The following MYLIP variants were observed in gnomAD, a reference collection of about 807,000 sequenced individuals.
MYLIP encodes E3 ubiquitin-protein ligase MYLIP.
MYLIP carries 26 observed loss-of-function variants against 45.8 expected under a neutral mutation model. That is an observed-to-expected ratio of 0.57 (90% CI 0.42 to 0.79). The LOEUF is 0.79. MYLIP is among the 30% of genes least tolerant of loss of function. MYLIP has a pLI of 0.00. For missense variants in MYLIP, 494 were observed against 555.6 expected, an observed-to-expected ratio of 0.89 and a Z score of 1.11; for synonymous variants, 213 against 218.1, an observed-to-expected ratio of 0.98 and a Z score of 0.21.
chr6:16,162,785 TAAAAAAAA>T, the MYLIP span, among the ~76,000 whole-genome samples: 4 of 69,618 alleles, frequency 5.7e-5, no homozygotes, highest in African/African-American at 9.7e-5. Flanking sequence ...ACCTCAACTC[TAAAAAAAA>T]AAAAAAAAAA....
At chr6:16,136,396 T>C (rs189142285) in intron 2 of MYLIP, among the ~76,000 whole-genome samples, 1 of 152,338 alleles carries the variant, frequency 6.6e-6, no homozygotes, top group East Asian at 1.9e-4. Flanking sequence ...TCCATCCATA[T>C]TGTCCTATAT....
chr6:16,143,009 G>C lies in MYLIP; in HGVS notation c.465-11G>C. On this transcript the variant is annotated splice_polypyrimidine_tract_variant and intron_variant, in intron 3 of 6. Transcript: ENST00000356840. ...GTATACTTAATTCTCTGTCCTCTTG[G>C]TGTCCTCCAGCATTGTTGCAAAACA... 1 of 1,611,920 alleles carries C rather than the reference G, an allele frequency of 6.2e-7. No homozygotes were observed. Among genetic ancestry groups the C allele is most frequent in the Non-Finnish European group, 8.5e-7 (1 of 1,178,776 alleles).
chr6:16,160,470 T>C, the MYLIP span, among the ~76,000 whole-genome samples: 2 of 152,192 alleles, frequency 1.3e-5, no homozygotes, highest in African/African-American at 4.8e-5. Flanking sequence ...CGTATTGGTT[T>C]GGAAATGGCA....
At chr6:16,148,529 A>T (rs919880007), downstream of MYLIP, among the ~76,000 whole-genome samples, 5 of 147,764 alleles carry the variant, frequency 3.4e-5, no homozygotes, top group African/African-American at 1.3e-4. Flanking sequence ...TCTCTTATTT[A>T]TGTCTTTGGG....
chr6:16,134,258 A>G (rs1325255145), intron 2 of MYLIP, among the ~76,000 whole-genome samples: 6 of 152,258 alleles, frequency 3.9e-5, no homozygotes, highest in Non-Finnish European at 4.4e-5. Context: ...CATAGAATTA[A>G]GAACTTGGAA....
At chr6:16,131,040 A>AAAAAAAAAAAAC (rs1759448977) in intron 2 of MYLIP, among the ~76,000 whole-genome samples, 1 of 151,402 alleles carries the variant, frequency 6.6e-6, no homozygotes, top group Non-Finnish European at 1.5e-5. Flanking sequence ...AAAAAAAAAA[A>AAAAAAAAAAAAC]AAAAAAAAGA....
At position 16,147,502 on chromosome 6, in the gene MYLIP, C is replaced by G. The variant is rs1249318245; in HGVS notation, c.*751C>G. 6.6e-6 allele frequency: 1 copy of G among 152,258 alleles called. No individual in the cohort carries two copies. The highest frequency in any genetic ancestry group is 1.5e-5 in the Non-Finnish European group (1 of 68,030). 9.4% of individuals were successfully genotyped at this position (152,258 alleles called of 1,614,324 possible). On this transcript the variant is annotated 3_prime_UTR_variant, in exon 7 of 7. Transcript: ENST00000356840. ...TGGAGTAGTCAAGTACTCCCCGGGC[C>G]TTCTGAGCTGGTGGAATATTTTATT...
In MYLIP at chr6:16,144,310, C is replaced by T. The variant is rs553855859; in HGVS notation, c.827+447C>T. On this transcript the variant is annotated intron_variant, in intron 5 of 6. Transcript: ENST00000356840. ...ACCCTGAGGGACTGGGCCTGCTCCA[C>T]TGCTCAGGAGAAGGATAGCACAGAT... 9.8e-5 allele frequency among the ~76,000 whole-genome samples: 15 copies of T among 152,328 alleles called. No individual in the cohort carries two copies. The South Asian group carries it at 1.2e-3, about 13-fold the overall frequency.
At chr6:16,146,482 A>G (rs945106586) in intron 6 of MYLIP, among the ~76,000 whole-genome samples, 180 bp from the exon 7 acceptor site, 2 of 152,164 alleles carry the variant, frequency 1.3e-5, no homozygotes, top group African/African-American at 4.8e-5. Context: ...AAGCCCTTGT[A>G]AAGTATAAAC....
intron 6 of MYLIP, 36 bp downstream of exon 6, chr6:16,145,353 T>C (rs1239816975): frequency 1.3e-6 from 2 of 1,543,072 alleles, no homozygotes; most frequent in Non-Finnish European, 1.8e-6. Flanking sequence ...GCCTGCAGCC[T>C]CACCTATCCC....
chr6:16,132,974 T>G (rs1759487578), intron 2 of MYLIP, among the ~76,000 whole-genome samples: 1 of 152,244 alleles, frequency 6.6e-6, no homozygotes, highest in Admixed American at 6.5e-5. Flanking sequence ...AGACAGTTTA[T>G]TAAATGATGC....
At position 16,143,231 on chromosome 6, in the gene MYLIP, T is replaced by C. The variant is rs1327619375; in HGVS notation, c.662+14T>C. The C allele has an allele frequency of 3.1e-6, 5 of 1,613,820 alleles. No homozygotes were observed. The highest frequency in any genetic ancestry group is 4.2e-6 in the Non-Finnish European group (5 of 1,179,802). On this transcript the variant is annotated intron_variant, in intron 4 of 6. Transcript: ENST00000356840. ...CCCAATTAATAGGTAAGCCAAGACT[T>C]AACTTTTTTTGACCTAAGCATGTGT... is the stretch of plus-strand genomic sequence containing the variant.
rs1241680425 is a variant in MYLIP, at chr6:16,144,996, G to A, written c.927G>A (p.Lys309=). The part of the protein sequence containing the change: ...LFLNENINLG[K]KYVFDIKRTS... Reference sequence around the variant, plus strand: ...TGAATGAAAACATTAACCTTGGCAAGAAATATGTCTTTGATATTAAAAGAA... The same window carrying A: ...TGAATGAAAACATTAACCTTGGCAAAAAATATGTCTTTGATATTAAAAGAA... The change falls in exon 6 of 7, where the codon AAG becomes AAA. Residue 309 remains lysine (K), a synonymous_variant. Transcript: ENST00000356840. 2.5e-6 allele frequency: 4 copies of A among 1,614,218 alleles called. No individual in the cohort carries two copies. The South Asian group carries it at 3.3e-5, about 13-fold the overall frequency.
chr6:16,145,080 C>A lies in MYLIP; in HGVS notation c.1011C>A (p.Asp337Glu). ...RRALYNAGVV[D>E]LVSRNNQSPS... ...CTCTGTACAATGCTGGCGTTGTGGA[C>A]CTCGTTTCAAGAAACAACCAGAGCC... Residue 337 changes from aspartate to glutamate, a missense_variant, in exon 6 of 7, where the codon GAC becomes GAA. By Grantham distance (45) the Asp-to-Glu change is conservative. Coordinates refer to ENST00000356840, the MANE Select transcript of MYLIP (RefSeq NM_013262.4). 3.1e-6 allele frequency: 5 copies of A among 1,614,186 alleles called. No homozygotes were observed. The highest frequency in any genetic ancestry group is 4.2e-6 in the Non-Finnish European group (5 of 1,180,022).
At position 16,130,684 on chromosome 6, in the gene MYLIP, A is replaced by C; in HGVS notation, c.215A>C (p.Tyr72Ser). 1 of 1,614,198 alleles carries C rather than the reference A, an allele frequency of 6.2e-7. No individual in the cohort carries two copies. The highest frequency in any genetic ancestry group is 1.1e-5 in the South Asian group (1 of 91,086). The change falls in exon 2 of 7, where the codon TAC becomes TCC. Residue 72 changes from tyrosine (Y) to serine (S), a missense_variant. Physicochemically the swap from Tyr to Ser is moderately radical, Grantham distance 144 (BLOSUM62 -2). Coordinates refer to ENST00000356840, the MANE Select transcript of MYLIP (RefSeq NM_013262.4). ...ISQQMDGLAP[Y>S]RLKLRVKFFV... ...CAGCAGATGGATGGGCTAGCCCCTT[A>C]CAGGCTTAAACTTAGAGTCAAGTTC...
At chr6:16,157,665 G>A in the MYLIP span, among the ~76,000 whole-genome samples, 214 of 152,318 alleles carry the variant, frequency 1.4e-3, no homozygotes, top group African/African-American at 4.6e-3. Context: ...TTGAAGAGCC[G>A]GCCACCTGGG....
rs1759409851 is a variant in MYLIP at position 16,129,496 on chromosome 6, C to G, written c.87+87C>G. ...GACGCCTGGCACTCTGGCGCGCCCCCTACTAGGGGCCGGGAGGCACTGCGG... is the reference window on the plus strand; with the variant it reads ...GACGCCTGGCACTCTGGCGCGCCCCGTACTAGGGGCCGGGAGGCACTGCGG... On this transcript the variant is annotated intron_variant, in intron 1 of 6. Coordinates refer to ENST00000356840, the MANE Select transcript of MYLIP (RefSeq NM_013262.4). This position sits in a 1 kb window ranked among gnomAD's most constrained non-coding sequence, Gnocchi z 5.1. 1.5e-6 allele frequency: 2 copies of G among 1,336,554 alleles called. No individual in the cohort carries two copies. Among genetic ancestry groups the G allele is most frequent in the Non-Finnish European group, 2.1e-6 (2 of 970,436 alleles). The allele number at this position is 1,336,554 out of a possible 1,614,324, so 82.8% of individuals were successfully genotyped here.
the MYLIP span, among the ~76,000 whole-genome samples, chr6:16,162,438 G>T: frequency 6.6e-6 from 1 of 152,040 alleles, no homozygotes; most frequent in Non-Finnish European, 1.5e-5. Context: ...TTTCATCTCA[G>T]GTTTAACTAG....
chr6:16,141,845 G>A (rs769135698), intron 3 of MYLIP, 35 bp downstream of exon 3: 2 of 1,553,716 alleles, frequency 1.3e-6, no homozygotes, highest in Non-Finnish European at 8.8e-7. Flanking sequence ...TTTACAACTA[G>A]AATAGGCTTA....
Sources: gnomAD v4.1 joint callset for allele counts (sites outside exome capture counted in the v4.1 genomes callset) on GRCh38, gnomAD v4.1.1 for gene constraint, Gnocchi (gnomAD v3.1) non-coding constraint, MANE v1.5 for transcripts, NCBI Gene and HGNC (gene_info 2026-07-23, HGNC 2026-07-21) for gene names.